SPG21: variants seen among roughly 807,000 people sequenced by gnomAD.
The protein encoded by SPG21 is SPG21 abhydrolase domain containing, maspardin.
A neutral mutation model predicts 38.9 loss-of-function variants in SPG21; 26 were observed. The observed-to-expected ratio is 0.67, with a 90% confidence interval of 0.49 to 0.93. The LOEUF (loss-of-function observed/expected upper bound fraction) is 0.93. Ranked by LOEUF, SPG21 falls within the 40% of genes least tolerant of loss-of-function variation. The pLI is 0.00. For missense variants in SPG21, 333 were observed against 376.5 expected, an observed-to-expected ratio of 0.88 and a Z score of 0.96; for synonymous variants, 136 against 128.9, an observed-to-expected ratio of 1.05 and a Z score of -0.37.
chr15:64,970,263 T>C, intron 5 of SPG21, 41 bp from the exon 6 acceptor site: 1 of 1,476,626 alleles, frequency 6.8e-7, no homozygotes, highest in Non-Finnish European at 9.5e-7. Flanking sequence ...CTTCCAAGAC[T>C]ACACATGGCA....
At position 64,969,299 on chromosome 15, in the gene SPG21, C is replaced by T. The variant is rs1339771718; in HGVS notation, c.625G>A (p.Val209Met). 1 of 1,614,108 alleles carries T rather than the reference C, an allele frequency of 6.2e-7. No homozygotes were observed. Among genetic ancestry groups the T allele is most frequent in the Non-Finnish European group, 8.5e-7 (1 of 1,179,994 alleles). Residue 209 changes from valine (V) to methionine (M), a missense_variant, in exon 7 of 9, where the codon GTG (valine) becomes ATG (methionine). By Grantham distance (21) the Val-to-Met change is conservative (BLOSUM62 1). Transcript: ENST00000204566. ...ATGTCCCGAATTTTATGAGGTTCCA[C>T]ATAAGAATTTTGACAATTCAAGGTA... ...RLTLNCQNSY[V>M]EPHKIRDIPV...
intron 8 of SPG21, among the ~76,000 whole-genome samples, chr15:64,964,679 G>C (rs1179212151): frequency 1.3e-5 from 2 of 152,004 alleles, no homozygotes; most frequent in Non-Finnish European, 2.9e-5. Flanking sequence ...TGCCCAGGCT[G>C]GAGTGCAATG....
chr15:64,980,737 C>CAAACA, intron 3 of SPG21, 127 bp downstream of exon 3: 1 of 862,562 alleles, frequency 1.2e-6, no homozygotes, highest in Non-Finnish European at 1.8e-6. Flanking sequence ...GAATCCATCT[C>CAAACA]AACAAACAAA....
chr15:64,984,066 G>A (rs1359145781), intron 1 of SPG21, among the ~76,000 whole-genome samples: 1 of 152,126 alleles, frequency 6.6e-6, no homozygotes, highest in Non-Finnish European at 1.5e-5. Flanking sequence ...TTACAGGCGT[G>A]AGCCACCATG....
intron 2 of SPG21, 128 bp downstream of exon 2, chr15:64,983,379 T>G: frequency 1.4e-6 from 1 of 699,348 alleles, no homozygotes; most frequent in Non-Finnish European, 2.6e-6. Flanking sequence ...CTTAATCCTC[T>G]GCAACCCACA....
Position 64,965,315 on chromosome 15 carries a change from C to A in SPG21, c.810+5G>T, listed in dbSNP as rs765945623. On this transcript the variant is annotated splice_donor_5th_base_variant and intron_variant, in intron 8 of 8. Coordinates refer to ENST00000204566, the MANE Select transcript of SPG21 (RefSeq NM_016630.7). ...GAGTGCTCTGGGTTTCAAGCTAGGC[C>A]TTACCTGTACATAAAGATTGACCTC... 5 of 1,614,176 alleles carry A rather than the reference C, an allele frequency of 3.1e-6. No homozygotes were observed. The highest frequency in any genetic ancestry group is 4.2e-6 in the Non-Finnish European group (5 of 1,180,036).
Position 64,966,300 on chromosome 15 carries a change from T to C in SPG21, c.670-840A>G, listed in dbSNP as rs113124292. Among the ~76,000 whole-genome samples the C allele has an allele frequency of 7.7e-3, 1,172 of 152,286 alleles. 8 individuals carry two copies. Among genetic ancestry groups the C allele is most frequent in the South Asian group, 0.02 (96 of 4,826 alleles). On this transcript the variant is annotated intron_variant, in intron 7 of 8. Transcript: ENST00000204566. The stretch of plus-strand genomic sequence containing the variant: ...ACCCATACACATTTACGTTTTTACA[T>C]GCAACAAAATTTTTCAAAAAGTAAA...
chr15:64,987,020 G>T (rs1267894934), intron 1 of SPG21, among the ~76,000 whole-genome samples: 1 of 152,170 alleles, frequency 6.6e-6, no homozygotes, highest in African/African-American at 2.4e-5. Context: ...TGTGCTTCTA[G>T]AGTCACCAAA....
intron 4 of SPG21, among the ~76,000 whole-genome samples, chr15:64,974,974 T>A (rs1470429636): frequency 1.3e-5 from 2 of 151,950 alleles, no homozygotes; most frequent in African/African-American, 4.8e-5. Context: ...TTAAAAAAAA[T>A]ATCATTCACA....
chr15:64,987,737 A>T (rs1439607614), intron 1 of SPG21, among the ~76,000 whole-genome samples: 1 of 152,206 alleles, frequency 6.6e-6, no homozygotes, highest in Non-Finnish European at 1.5e-5. Flanking sequence ...GCTGGACAAT[A>T]AAAACTGCCA....
chr15:64,964,673 C>T (rs1451372193), intron 8 of SPG21, among the ~76,000 whole-genome samples: 1 of 151,966 alleles, frequency 6.6e-6, no homozygotes, highest in Non-Finnish European at 1.5e-5. Context: ...TTCTGTTGCC[C>T]AGGCTGGAGT....
intron 4 of SPG21, 29 bp downstream of exon 4, chr15:64,976,446 A>G (rs752238708): frequency 5.4e-6 from 8 of 1,488,662 alleles, no homozygotes; most frequent in Admixed American, 3.4e-5. Flanking sequence ...AAAAAATTGT[A>G]TGTATGTAAT....
intron 2 of SPG21, chr15:64,981,479 C>A (rs1396406352): frequency 5.6e-6 from 1 of 179,670 alleles, no homozygotes; most frequent in East Asian, 1.6e-4. Flanking sequence ...TTAGTAGAGA[C>A]GGGGTTTCAC....
Position 64,963,601 on chromosome 15 carries a change from A to G in SPG21, c.*19T>C, listed in dbSNP as rs758089289. ...CAAGAACACACCGGGTCAACTCATC[A>G]TTGACAGCGAGAGACACACTACTGC... On this transcript the variant is annotated 3_prime_UTR_variant, in exon 9 of 9. Transcript: ENST00000204566. The G allele has an allele frequency of 2.1e-5, 33 of 1,587,202 alleles. No individual in the cohort carries two copies. Among genetic ancestry groups the G allele is most frequent in the Non-Finnish European group, 2.7e-5 (31 of 1,156,176 alleles).
In SPG21 at chr15:64,980,919, T is replaced by A; in HGVS notation, c.170A>T (p.Asp57Val). ...IFLPPVSGTA[D>V]VFFRQILALT... ...AGCCAAAATCTGCCGGAAAAAGACATCTGCAGTTCCACTGACAGGGGGCAG... is the reference window on the plus strand; with the variant it reads ...AGCCAAAATCTGCCGGAAAAAGACAACTGCAGTTCCACTGACAGGGGGCAG... The change falls in exon 3 of 9, where the codon GAT (aspartate) becomes GTT (valine). Residue 57 changes from aspartate (D) to valine (V), a missense_variant. Transcript: ENST00000204566. 4.3e-6 allele frequency: 7 copies of A among 1,613,780 alleles called. No homozygotes were observed. The highest frequency in any genetic ancestry group is 5.9e-6 in the Non-Finnish European group (7 of 1,179,980).
chr15:64,975,972 G>A (rs1181900361), intron 4 of SPG21, among the ~76,000 whole-genome samples: 1 of 152,106 alleles, frequency 6.6e-6, no homozygotes, highest in African/African-American at 2.4e-5. Context: ...AGGACCGACT[G>A]CTAATGAATA....
chr15:64,976,477 T>C lies in SPG21; in HGVS notation c.304A>G (p.Lys102Glu), dbSNP rs2140431580. ...GTAATTAGTTTCAGGGTACTCACTT[T>C]ATCCAATTGTAAATGGTCTAAAAGT... ...RKLLDHLQLD[K>E]VHLFGASLGG... The change falls in exon 4 of 9, where the codon AAA becomes GAA. Residue 102 changes from lysine to glutamate, a missense_variant and splice_region_variant. Transcript: ENST00000204566. 5 of 1,607,788 alleles carry C rather than the reference T, an allele frequency of 3.1e-6. No homozygotes were observed. The South Asian group carries it at 5.5e-5, about 18-fold the overall frequency.
At chr15:64,975,708 C>T (rs1184598466) in intron 4 of SPG21, among the ~76,000 whole-genome samples, 1 of 151,996 alleles carries the variant, frequency 6.6e-6, no homozygotes, top group Non-Finnish European at 1.5e-5. Flanking sequence ...GTAAAAACAA[C>T]CCAAATGTGC....
chr15:64,970,204 T>A lies in SPG21; in HGVS notation c.471A>T (p.Ala157=). 1 of 1,614,028 alleles carries A rather than the reference T, an allele frequency of 6.2e-7. No homozygotes were observed. Among genetic ancestry groups the A allele is most frequent in the Non-Finnish European group, 8.5e-7 (1 of 1,179,994 alleles). ...WTANSFWLMP[A]FMLKKIVLGN... is the part of the protein sequence containing the mutation. ...CAAGAACTATTTTTTTGAGCATAAA[T>A]GCAGGCATCAGCCAAAAGCTGTAAA... Residue 157 remains alanine (A), a synonymous_variant, in exon 6 of 9, where the codon GCA becomes GCT. Coordinates refer to ENST00000204566, the MANE Select transcript of SPG21 (RefSeq NM_016630.7).
Sources: gnomAD v4.1 joint callset for allele counts (sites outside exome capture counted in the v4.1 genomes callset) on GRCh38, gnomAD v4.1.1 for gene constraint, MANE v1.5 for transcripts, NCBI Gene and HGNC (gene_info 2026-07-23, HGNC 2026-07-21) for gene names.